The following SLC24A2 variants were observed in gnomAD, a reference collection of about 807,000 sequenced individuals.
SLC24A2 encodes the protein sodium/potassium/calcium exchanger 2.
Under a neutral mutation model 62.0 loss-of-function variants are expected in SLC24A2, and 36 were observed. The observed-to-expected ratio is 0.58, with a 90% confidence interval of 0.44 to 0.77. The LOEUF is 0.77. SLC24A2 is among the 30% of genes least tolerant of loss of function. The pLI, the probability that SLC24A2 is intolerant of heterozygous loss-of-function variation, is 0.00. For missense variants in SLC24A2, 846 were observed against 817.9 expected, an observed-to-expected ratio of 1.03 and a Z score of -0.42; for synonymous variants, 358 against 294.0, an observed-to-expected ratio of 1.22 and a Z score of -2.23.
chr9:19,817,162 T>C, the SLC24A2 span, among the ~76,000 whole-genome samples: 1 of 152,062 alleles, frequency 6.6e-6, no homozygotes, highest in Non-Finnish European at 1.5e-5. Flanking sequence ...TATATCAAAA[T>C]GCACCAGGAG....
At chr9:20,250,379 C>T in the SLC24A2 span, among the ~76,000 whole-genome samples, 13 of 152,202 alleles carry the variant, frequency 8.5e-5, no homozygotes, top group Admixed American at 3.3e-4. Context: ...GAGCCCCCAT[C>T]TGGTGTTCAT....
At chr9:19,838,339 A>G in the SLC24A2 span, among the ~76,000 whole-genome samples, 1 of 152,182 alleles carries the variant, frequency 6.6e-6, no homozygotes. Flanking sequence ...TATTTAATAA[A>G]TGGTGCTGGG....
intron 2 of SLC24A2, among the ~76,000 whole-genome samples, chr9:19,628,754 G>C (rs1818098760): frequency 6.6e-6 from 1 of 152,164 alleles, no homozygotes; most frequent in South Asian, 2.1e-4. Flanking sequence ...GCTTCCCTGA[G>C]CCACACTGGA....
chr9:19,574,963 CT>C (rs952066316), intron 6 of SLC24A2, among the ~76,000 whole-genome samples: 1 of 151,336 alleles, frequency 6.6e-6, no homozygotes, highest in Non-Finnish European at 1.5e-5. Flanking sequence ...TAAGAATGTG[CT>C]TTTTTTTTCC....
intron 2 of SLC24A2, among the ~76,000 whole-genome samples, chr9:19,710,695 A>G (rs1175795638): frequency 1.3e-5 from 2 of 152,162 alleles, no homozygotes; most frequent in Non-Finnish European, 2.9e-5. Flanking sequence ...ATGCGGAGGA[A>G]GTTTCACTTC....
chr9:20,302,193 C>T, the SLC24A2 span, among the ~76,000 whole-genome samples: 1 of 152,190 alleles, frequency 6.6e-6, no homozygotes, highest in African/African-American at 2.4e-5. Flanking sequence ...CTGCTATTAA[C>T]ATCTGTGTGT....
the SLC24A2 span, among the ~76,000 whole-genome samples, chr9:20,130,548 C>G: frequency 6.6e-6 from 1 of 151,622 alleles, no homozygotes; most frequent in Non-Finnish European, 1.5e-5. Flanking sequence ...GCTAGATTAG[C>G]TGAAGCAGAA....
At chr9:19,597,573 C>T (rs1735333695) in intron 4 of SLC24A2, among the ~76,000 whole-genome samples, 1 of 152,150 alleles carries the variant, frequency 6.6e-6, no homozygotes, top group Non-Finnish European at 1.5e-5. Context: ...ATAACTTCAC[C>T]CCAGGTCTAT....
At chr9:19,676,923 A>C (rs1249082587) in intron 2 of SLC24A2, among the ~76,000 whole-genome samples, 2 of 152,238 alleles carry the variant, frequency 1.3e-5, no homozygotes, top group African/African-American at 4.8e-5. Flanking sequence ...TAAAAAGTTA[A>C]AAAATAACAG....
intron 2 of SLC24A2, among the ~76,000 whole-genome samples, chr9:19,735,912 C>T (rs987509133): frequency 2.6e-5 from 4 of 151,844 alleles, no homozygotes; most frequent in Non-Finnish European, 4.4e-5. Flanking sequence ...ATGTAAATGA[C>T]GAGTTAATGA....
the SLC24A2 span, among the ~76,000 whole-genome samples, chr9:20,298,666 C>T: frequency 1.3e-5 from 2 of 152,248 alleles, no homozygotes; most frequent in Non-Finnish European, 2.9e-5. Flanking sequence ...ATAGTAATAG[C>T]AGCAGCCTGT....
chr9:20,075,533 G>A, the SLC24A2 span, among the ~76,000 whole-genome samples: 2 of 152,122 alleles, frequency 1.3e-5, no homozygotes, highest in African/African-American at 2.4e-5. Flanking sequence ...GGGGCAATGT[G>A]GACTACAATT....
At chr9:19,655,971 G>C (rs997218628) in intron 2 of SLC24A2, among the ~76,000 whole-genome samples, 1 of 152,156 alleles carries the variant, frequency 6.6e-6, no homozygotes, top group African/African-American at 2.4e-5. Flanking sequence ...AATGATCACA[G>C]GTAGTCATTT....
chr9:19,907,842 A>C, the SLC24A2 span, among the ~76,000 whole-genome samples: 1 of 152,222 alleles, frequency 6.6e-6, no homozygotes, highest in Non-Finnish European at 1.5e-5. Context: ...AGAGGTTACA[A>C]ACAAAGGGAA....
At chr9:19,877,000 A>T in the SLC24A2 span, among the ~76,000 whole-genome samples, 1 of 152,036 alleles carries the variant, frequency 6.6e-6, no homozygotes, top group South Asian at 2.1e-4. Context: ...TTTATTTCAG[A>T]ATGGAAAACT....
chr9:20,189,660 C>T, the SLC24A2 span, among the ~76,000 whole-genome samples: 1 of 152,180 alleles, frequency 6.6e-6, no homozygotes, highest in African/African-American at 2.4e-5. Flanking sequence ...ATGGCATGAG[C>T]CTCCCTTTGG....
At chr9:19,989,475 C>G in the SLC24A2 span, among the ~76,000 whole-genome samples, 1 of 152,142 alleles carries the variant, frequency 6.6e-6, no homozygotes, top group African/African-American at 2.4e-5. Flanking sequence ...AGTTATGACA[C>G]CTAGTCCAGT....
intron 3 of SLC24A2, 136 bp downstream of exon 3, chr9:19,622,125 C>T (rs936805381): frequency 2.7e-6 from 2 of 729,458 alleles, no homozygotes; most frequent in Non-Finnish European, 5.0e-6. Context: ...TAGAAGTACA[C>T]ATCAGGGGTT....
chr9:19,686,992 T>C (rs60591354), intron 2 of SLC24A2, among the ~76,000 whole-genome samples: 4,727 of 152,234 alleles, frequency 0.031, 275 homozygotes, highest in African/African-American at 0.11. Flanking sequence ...GCAACATAGA[T>C]GGAGCTGGAG....
Sources: gnomAD v4.1 joint callset for allele counts (sites outside exome capture counted in the v4.1 genomes callset) on GRCh38, gnomAD v4.1.1 for gene constraint, MANE v1.5 for transcripts, NCBI Gene and HGNC (gene_info 2026-07-23, HGNC 2026-07-21) for gene names.